Variants in GABRA3 observed in about 807,000 individuals in gnomAD.
The protein encoded by GABRA3 is gamma-aminobutyric acid receptor subunit alpha-3.
GABRA3 carries 10 observed loss-of-function variants against 30.1 expected under a neutral mutation model. That is an observed-to-expected ratio of 0.33 (90% CI 0.20 to 0.56). The LOEUF is 0.56. Among genes scored for constraint, GABRA3 ranks in the 20% least tolerant of loss-of-function variants. The pLI, the probability that GABRA3 is intolerant of heterozygous loss-of-function variation, is 0.89. For synonymous variants in GABRA3, 151 were observed against 146.8 expected, an observed-to-expected ratio of 1.03 and a Z score of -0.21; for missense variants, 233 against 392.0, an observed-to-expected ratio of 0.59 and a Z score of 3.42.
chrX:152,279,995 C>T (rs1175803934), intron 4 of GABRA3, among the ~76,000 whole-genome samples: 1 of 111,468 alleles, frequency 9.0e-6, no homozygotes, highest in African/African-American at 3.3e-5. Flanking sequence ...TGCTTATCAG[C>T]TTAAGGAGAT....
At chrX:152,431,941 A>G (rs1741600417) in intron 1 of GABRA3, among the ~76,000 whole-genome samples, 1 of 111,941 alleles carries the variant, frequency 8.9e-6, no homozygotes, top group African/African-American at 3.2e-5. Flanking sequence ...AAAACCTGCA[A>G]AACTATTTAA....
At chrX:152,233,736 C>A (rs1300383133) in intron 5 of GABRA3, among the ~76,000 whole-genome samples, 1 of 104,789 alleles carries the variant, frequency 9.5e-6, no homozygotes, top group African/African-American at 3.5e-5. Context: ...GCTATAAAGA[C>A]ACATGCACAC....
chrX:152,368,814 T>C (rs1057411780), intron 1 of GABRA3, among the ~76,000 whole-genome samples: 1 of 101,643 alleles, frequency 9.8e-6, no homozygotes, highest in Non-Finnish European at 2.0e-5. Flanking sequence ...CACACCATTC[T>C]CCTGCCTCAG....
intron 1 of GABRA3, among the ~76,000 whole-genome samples, chrX:152,440,717 C>A: frequency 8.9e-6 from 1 of 111,792 alleles, no homozygotes; most frequent in South Asian, 3.7e-4. Flanking sequence ...TTTGCAGGAA[C>A]ATGGATGAAG....
intron 3 of GABRA3, among the ~76,000 whole-genome samples, chrX:152,325,588 C>A (rs767377368): frequency 1.8e-5 from 2 of 112,052 alleles, no homozygotes; most frequent in South Asian, 7.5e-4. Context: ...CAAAGAGGGT[C>A]TGGAGTGGAC....
intron 5 of GABRA3, among the ~76,000 whole-genome samples, chrX:152,249,951 T>G (rs780673122): frequency 1.8e-5 from 2 of 111,338 alleles, no homozygotes; most frequent in African/African-American, 6.5e-5. Flanking sequence ...CATAGTACTC[T>G]CTCTTTCCCC....
intron 4 of GABRA3, among the ~76,000 whole-genome samples, chrX:152,268,525 T>C (rs948966018): frequency 1.8e-5 from 2 of 112,164 alleles, no homozygotes; most frequent in Non-Finnish European, 3.8e-5. Flanking sequence ...CCTTTATAAA[T>C]TACCCATTCC....
chrX:152,380,037 A>G (rs5970285), intron 1 of GABRA3, among the ~76,000 whole-genome samples: 42,009 of 110,295 alleles, frequency 0.38, 5,883 homozygotes, highest in Admixed American at 0.45. Context: ...TTTGATATAC[A>G]TATACATGTG....
intron 2 of GABRA3, among the ~76,000 whole-genome samples, chrX:152,360,029 G>C (rs1056163519): frequency 9.0e-5 from 9 of 100,368 alleles, no homozygotes; most frequent in East Asian, 3.2e-4. Flanking sequence ...GTATTCCATG[G>C]TGTATATGTG....
At position 152,186,398 on chromosome X, in the gene GABRA3, C is replaced by T. The variant is rs143594039; in HGVS notation, c.1143+3332G>A. On this transcript the variant is annotated intron_variant, in intron 9 of 9. Coordinates refer to ENST00000370314, the MANE Select transcript of GABRA3 (RefSeq NM_000808.4). ...TTGTATTTTTGTAGAGATGGGGTTC[C>T]GCCATGTTGGCCAGGCTGGTCTTGA... Among the ~76,000 whole-genome samples the T allele has an allele frequency of 9.8e-3, 1,078 of 110,091 alleles. 11 individuals carry two copies. Among genetic ancestry groups the T allele is most frequent in the Non-Finnish European group, 0.017 (873 of 52,734 alleles).
At chrX:152,434,447 C>G (rs1232477058) in intron 1 of GABRA3, among the ~76,000 whole-genome samples, 2 of 110,663 alleles carry the variant, frequency 1.8e-5, no homozygotes, top group Non-Finnish European at 3.8e-5. Flanking sequence ...ATAAACTCCC[C>G]CTCTGACTAA....
chrX:152,405,096 T>C (rs996911618), intron 1 of GABRA3, among the ~76,000 whole-genome samples: 22 of 108,507 alleles, frequency 2.0e-4, no homozygotes, highest in African/African-American at 5.7e-4. Flanking sequence ...CAGTCTTGCA[T>C]TGCCTACACC....
intron 2 of GABRA3, among the ~76,000 whole-genome samples, 193 bp downstream of exon 2, chrX:152,364,238 T>A (rs1175533964): frequency 9.0e-6 from 1 of 111,531 alleles, no homozygotes; most frequent in South Asian, 3.8e-4. Flanking sequence ...GGGTGTTGTC[T>A]AAGAAAAAGA....
chrX:152,314,569 T>C (rs1939844319), intron 3 of GABRA3, among the ~76,000 whole-genome samples: 1 of 111,865 alleles, frequency 8.9e-6, no homozygotes, highest in South Asian at 3.7e-4. Context: ...CTACAGCCCA[T>C]CCCAACTGGT....
At chrX:152,274,030 G>A (rs1214660630) in intron 4 of GABRA3, among the ~76,000 whole-genome samples, 1 of 111,561 alleles carries the variant, frequency 9.0e-6, no homozygotes, top group Non-Finnish European at 1.9e-5. Flanking sequence ...GGACAAATAT[G>A]TGTAGGAAAA....
intron 3 of GABRA3, among the ~76,000 whole-genome samples, chrX:152,289,964 G>A (rs1173035217): frequency 4.5e-5 from 5 of 111,807 alleles, no homozygotes; most frequent in African/African-American, 1.3e-4. Flanking sequence ...TGTGAATAGT[G>A]CCACAATAAA....
intron 4 of GABRA3, among the ~76,000 whole-genome samples, chrX:152,275,803 C>T (rs7880523): frequency 0.22 from 24,087 of 107,346 alleles, 2,694 homozygotes; most frequent in African/African-American, 0.43. Flanking sequence ...GTAAATAAAT[C>T]ATTTATATAT....
At chrX:152,418,113 C>T (rs1377815422) in intron 1 of GABRA3, among the ~76,000 whole-genome samples, 1 of 111,008 alleles carries the variant, frequency 9.0e-6, no homozygotes, top group East Asian at 2.8e-4. Context: ...GATGTAATAA[C>T]TGTAACTAAT....
At chrX:152,342,640 G>C (rs1411359867) in intron 3 of GABRA3, among the ~76,000 whole-genome samples, 2 of 111,476 alleles carry the variant, frequency 1.8e-5, no homozygotes, top group East Asian at 5.7e-4. Flanking sequence ...GGAAACTTTT[G>C]ACTGGAATCA....
Sources: gnomAD v4.1 joint callset for allele counts (sites outside exome capture counted in the v4.1 genomes callset) on GRCh38, gnomAD v4.1.1 for gene constraint, MANE v1.5 for transcripts, NCBI Gene and HGNC (gene_info 2026-07-23, HGNC 2026-07-21) for gene names.